The following SGCZ variants were observed in gnomAD, a reference collection of about 807,000 sequenced individuals.
SGCZ encodes the protein zeta-sarcoglycan.
SGCZ carries 40 observed loss-of-function variants against 41.3 expected under a neutral mutation model. The ratio of observed to expected loss-of-function variants is 0.97; its 90% confidence interval spans 0.75 to 1.26. The LOEUF is 1.26. Among genes scored for constraint, SGCZ ranks in the 50% most tolerant of loss-of-function variants. The pLI, the probability that SGCZ is intolerant of heterozygous loss-of-function variation, is 0.00. For missense variants in SGCZ, 552 were observed against 369.8 expected, an observed-to-expected ratio of 1.49 and a Z score of -4.04; for synonymous variants, 206 against 137.5, an observed-to-expected ratio of 1.50 and a Z score of -3.49.
At chr8:15,235,415 T>A (rs1802088907) in intron 1 of SGCZ, among the ~76,000 whole-genome samples, 1 of 152,206 alleles carries the variant, frequency 6.6e-6, no homozygotes, top group East Asian at 1.9e-4. Context: ...GTCCTTGACA[T>A]AATTTCTCAA....
intron 1 of SGCZ, among the ~76,000 whole-genome samples, chr8:14,701,249 G>A (rs1270639295): frequency 6.6e-6 from 1 of 151,880 alleles, no homozygotes; most frequent in African/African-American, 2.4e-5. Flanking sequence ...AGTCTTTACA[G>A]GATTTCAAGT....
At chr8:14,913,686 A>G (rs1799343444) in intron 1 of SGCZ, among the ~76,000 whole-genome samples, 2 of 152,044 alleles carry the variant, frequency 1.3e-5, no homozygotes, top group Non-Finnish European at 2.9e-5. Context: ...ATTTTAAATT[A>G]TGTGTGGGAT....
At chr8:14,908,041 C>T (rs1799170664) in intron 1 of SGCZ, among the ~76,000 whole-genome samples, 1 of 152,050 alleles carries the variant, frequency 6.6e-6, no homozygotes, top group Non-Finnish European at 1.5e-5. Context: ...TGGTCAGAAA[C>T]AGATACATAG....
At chr8:14,204,554 G>T (rs1805559116) in intron 4 of SGCZ, among the ~76,000 whole-genome samples, 1 of 152,096 alleles carries the variant, frequency 6.6e-6, no homozygotes, top group Non-Finnish European at 1.5e-5. Context: ...CACCTTGAGA[G>T]CTGGTAAAGC....
chr8:14,450,828 T>G (rs184649173), intron 2 of SGCZ, among the ~76,000 whole-genome samples: 5 of 152,332 alleles, frequency 3.3e-5, no homozygotes, highest in African/African-American at 1.2e-4. Context: ...TACCTGGGCT[T>G]CAGCTCTATT....
chr8:14,254,731 GA>G (rs1356838932), intron 3 of SGCZ, among the ~76,000 whole-genome samples: 6 of 148,524 alleles, frequency 4.0e-5, no homozygotes, highest in Admixed American at 3.4e-4. Context: ...TTTAGAATGT[GA>G]AAGACATCGT....
At chr8:14,698,570 T>C (rs1263149256) in intron 1 of SGCZ, among the ~76,000 whole-genome samples, 2 of 152,024 alleles carry the variant, frequency 1.3e-5, no homozygotes, top group Non-Finnish European at 1.5e-5. Context: ...TCCAGAAAAA[T>C]TGTTAATTTC....
intron 2 of SGCZ, among the ~76,000 whole-genome samples, chr8:14,526,724 C>T (rs957484894): frequency 2.0e-5 from 3 of 152,042 alleles, no homozygotes; most frequent in Admixed American, 6.6e-5. Flanking sequence ...GTGTGAAATG[C>T]ATATCACATC....
intron 2 of SGCZ, among the ~76,000 whole-genome samples, chr8:14,529,591 A>G (rs1288585118): frequency 6.6e-6 from 1 of 152,172 alleles, no homozygotes; most frequent in East Asian, 1.9e-4. Flanking sequence ...GCATTTGGGT[A>G]TGCAATGGAG....
At chr8:14,842,656 T>G (rs951111758) in intron 1 of SGCZ, among the ~76,000 whole-genome samples, 6 of 152,162 alleles carry the variant, frequency 3.9e-5, no homozygotes, top group African/African-American at 1.4e-4. Context: ...AAGAATTGTT[T>G]TTATCTTTAT....
chr8:14,390,094 T>A (rs1804715764), intron 2 of SGCZ, among the ~76,000 whole-genome samples: 1 of 151,986 alleles, frequency 6.6e-6, no homozygotes, highest in Non-Finnish European at 1.5e-5. Flanking sequence ...ACTATGAATT[T>A]TATTGCCATT....
intron 1 of SGCZ, among the ~76,000 whole-genome samples, chr8:14,741,011 A>G (rs1354617523): frequency 2.0e-5 from 3 of 152,122 alleles, no homozygotes; most frequent in Non-Finnish European, 2.9e-5. Flanking sequence ...ACCTTTAATT[A>G]TGTACTTATT....
chr8:14,806,207 A>G lies in SGCZ; in HGVS notation c.40-251281T>C, dbSNP rs373707802. 2.9e-4 allele frequency among the ~76,000 whole-genome samples: 44 copies of G among 152,092 alleles called. 1 individual carries two copies. The East Asian group carries it at 4.8e-3, about 17-fold the overall frequency. ...AGAGCAAACACATTCAAAAGCTAGCAGAAGGCAAGAAATAACTAAAATCAG... is the reference window on the plus strand; with the variant it reads ...AGAGCAAACACATTCAAAAGCTAGCGGAAGGCAAGAAATAACTAAAATCAG... On this transcript the variant is annotated intron_variant, in intron 1 of 7. Transcript: ENST00000382080.
chr8:14,498,154 T>G (rs1223470561), intron 2 of SGCZ, among the ~76,000 whole-genome samples: 2 of 152,320 alleles, frequency 1.3e-5, no homozygotes, highest in East Asian at 1.9e-4. Flanking sequence ...AATAATCACT[T>G]TTCTCTATCT....
chr8:14,399,002 T>C (rs749032302), intron 2 of SGCZ, among the ~76,000 whole-genome samples: 11 of 152,166 alleles, frequency 7.2e-5, no homozygotes, highest in Non-Finnish European at 1.5e-4. Context: ...CTTGAAATTA[T>C]TAACAATTTT....
intron 5 of SGCZ, among the ~76,000 whole-genome samples, chr8:14,112,821 A>ATAAC (rs994339533): frequency 2.6e-5 from 4 of 152,160 alleles, no homozygotes; most frequent in Non-Finnish European, 5.9e-5. Flanking sequence ...TTGTATACTA[A>ATAAC]TAACTCTTCT....
At chr8:15,121,363 C>A (rs1417587260) in intron 1 of SGCZ, among the ~76,000 whole-genome samples, 1 of 152,136 alleles carries the variant, frequency 6.6e-6, no homozygotes, top group African/African-American at 2.4e-5. Context: ...GTTCTAGGTA[C>A]ACGATTCTTA....
At chr8:14,556,203 A>G (rs1190023785) in intron 1 of SGCZ, among the ~76,000 whole-genome samples, 1 of 151,786 alleles carries the variant, frequency 6.6e-6, no homozygotes, top group African/African-American at 2.4e-5. Flanking sequence ...ATTTTTATAA[A>G]ATATAATTTT....
At chr8:14,655,961 A>G (rs534888019) in intron 1 of SGCZ, among the ~76,000 whole-genome samples, 1 of 152,130 alleles carries the variant, frequency 6.6e-6, no homozygotes, top group African/African-American at 2.4e-5. Context: ...CTGAAGACCC[A>G]TCCATCGTCT....
Sources: gnomAD v4.1 joint callset for allele counts (sites outside exome capture counted in the v4.1 genomes callset) on GRCh38, gnomAD v4.1.1 for gene constraint, MANE v1.5 for transcripts, NCBI Gene and HGNC (gene_info 2026-07-23, HGNC 2026-07-21) for gene names.